The following UGT1A9 variants were observed in gnomAD, a reference collection of about 807,000 sequenced individuals.
The protein encoded by UGT1A9 is UDP glucuronosyltransferase family 1 member A9, also known as UDP-glucuronosyltransferase 1A9.
Under a neutral mutation model 45.0 loss-of-function variants are expected in UGT1A9, and 35 were observed. The ratio of observed to expected loss-of-function variants is 0.78; its 90% CI spans 0.59 to 1.03. UGT1A9 has a LOEUF of 1.03. Among genes scored for constraint, UGT1A9 ranks in the 50% least tolerant of loss-of-function variants. UGT1A9 has a pLI of 0.00. For synonymous variants in UGT1A9, 278 were observed against 250.6 expected (o/e 1.11, Z -1.03); for missense variants, 687 against 666.6 (o/e 1.03, Z -0.34).
intron 1 of UGT1A9, chr2:233,693,987 T>A: frequency 1.3e-6 from 2 of 1,542,284 alleles, no homozygotes; most frequent in Non-Finnish European, 1.7e-6. Flanking sequence ...TGGGGGGAAG[T>A]GATACCCGGC....
intron 1 of UGT1A9, chr2:233,755,184 T>C: frequency 8.4e-7 from 1 of 1,195,602 alleles, no homozygotes. Context: ...GGGGTGCCAC[T>C]TGAGCGCCAG....
At chr2:233,677,182 C>A (rs1451476805) in intron 1 of UGT1A9, among the ~76,000 whole-genome samples, 1 of 152,104 alleles carries the variant, frequency 6.6e-6, no homozygotes, top group Non-Finnish European at 1.5e-5. Context: ...ATTAACATAT[C>A]TTTTTATTTA....
intron 1 of UGT1A9, chr2:233,755,457 C>G: frequency 1.4e-5 from 4 of 284,208 alleles, no homozygotes; most frequent in Non-Finnish European, 2.8e-5. Context: ...TGGGACTGGC[C>G]CTGCTCTCTG....
chr2:233,724,954 C>G lies in UGT1A9; in HGVS notation c.856-42080C>G, dbSNP rs544768388. ...GACTCCGTCTGCAATCCCGGCACCT[C>G]GGGAGGCCGAGGTTGGCGGATCACT... On this transcript the variant is annotated intron_variant, in intron 1 of 4. Coordinates refer to ENST00000354728, the MANE Select transcript of UGT1A9 (RefSeq NM_021027.3). 1.4e-5 allele frequency among the ~76,000 whole-genome samples: 2 copies of G among 143,932 alleles called. 1 individual carries two copies. Among genetic ancestry groups the G allele is most frequent in the East Asian group, 4.2e-4 (2 of 4,760 alleles). 94.4% of individuals were successfully genotyped at this position (143,932 alleles called of 152,430 possible).
intron 1 of UGT1A9, among the ~76,000 whole-genome samples, chr2:233,719,879 C>A (rs573880021): frequency 1.3e-5 from 2 of 152,076 alleles, no homozygotes; most frequent in Non-Finnish European, 2.9e-5. Flanking sequence ...AGAAGAGGCA[C>A]GGATGAGGGT....
intron 1 of UGT1A9, among the ~76,000 whole-genome samples, chr2:233,686,098 G>C (rs1186571465): frequency 6.6e-6 from 1 of 152,126 alleles, no homozygotes; most frequent in African/African-American, 2.4e-5. Flanking sequence ...CCAAGTCCAA[G>C]AGAATGAAGT....
intron 1 of UGT1A9, among the ~76,000 whole-genome samples, chr2:233,730,180 A>C (rs1264603007): frequency 3.9e-5 from 6 of 152,190 alleles, no homozygotes; most frequent in South Asian, 2.1e-4. Flanking sequence ...TCAGGTTTTA[A>C]ATGGTCACTG....
chr2:233,729,062 G>A (rs930563151), intron 1 of UGT1A9: 176 of 1,610,848 alleles, frequency 1.1e-4, no homozygotes, highest in Admixed American at 1.2e-4. Context: ...TAATTAAGAT[G>A]AAGAAAGCAA....
At chr2:233,686,517 C>T (rs949719611) in intron 1 of UGT1A9, among the ~76,000 whole-genome samples, 5 of 152,098 alleles carry the variant, frequency 3.3e-5, no homozygotes, top group Non-Finnish European at 7.4e-5. Context: ...GGAGCCTCCA[C>T]CTGCGTTAGA....
intron 1 of UGT1A9, among the ~76,000 whole-genome samples, chr2:233,699,464 C>G (rs1471527294): frequency 6.6e-6 from 1 of 152,156 alleles, no homozygotes; most frequent in Non-Finnish European, 1.5e-5. Flanking sequence ...CAAAGGAGGT[C>G]AGAAGTAAAT....
intron 1 of UGT1A9, chr2:233,756,309 C>A (rs1335647268): frequency 7.9e-5 from 12 of 152,226 alleles, no homozygotes; most frequent in Non-Finnish European, 1.6e-4. Context: ...ATAACCTACC[C>A]ATATCCTCCT....
At position 233,772,787 on chromosome 2, in the gene UGT1A9, A is replaced by T; in HGVS notation, c.*228A>T. The T allele has an allele frequency of 4.0e-6, 5 of 1,249,376 alleles. No individual in the cohort carries two copies. Among genetic ancestry groups the T allele is most frequent in the Non-Finnish European group, 4.2e-6 (4 of 942,894 alleles). The allele number at this position is 1,249,376 out of a possible 1,614,324, so 77.4% of individuals were successfully genotyped here. A position where few individuals can be genotyped will look rare whatever the true frequency, so the allele number is the denominator to read the frequency against. The stretch of plus-strand genomic sequence containing the variant: ...GCCCCCTCTGGTGTCTTTGATCAGG[A>T]TGACATGTGCCATTTTTCAGAGGAC... On this transcript the variant is annotated 3_prime_UTR_variant, in exon 5 of 5. Coordinates refer to ENST00000354728, the MANE Select transcript of UGT1A9 (RefSeq NM_021027.3).
chr2:233,718,145 A>G (rs1314627858), intron 1 of UGT1A9: 1 of 232,528 alleles, frequency 4.3e-6, no homozygotes, highest in Non-Finnish European at 8.9e-6. Flanking sequence ...AATCCTCAAT[A>G]AAGCCTTCCC....
intron 1 of UGT1A9, among the ~76,000 whole-genome samples, chr2:233,714,844 A>G (rs563954106): frequency 6.6e-6 from 1 of 152,320 alleles, no homozygotes; most frequent in East Asian, 1.9e-4. Flanking sequence ...ATGTTTATAA[A>G]TATTCCATGG....
intron 1 of UGT1A9, among the ~76,000 whole-genome samples, chr2:233,726,762 C>T (rs2077560104): frequency 6.6e-6 from 1 of 152,196 alleles, no homozygotes; most frequent in Non-Finnish European, 1.5e-5. Flanking sequence ...CTACCACAGA[C>T]ACTAAGCTTA....
chr2:233,725,068 TCGCAGGCAC>T (rs1237971327), intron 1 of UGT1A9, among the ~76,000 whole-genome samples: 1 of 146,188 alleles, frequency 6.8e-6, no homozygotes, highest in South Asian at 2.4e-4. Context: ...GCGCCTGCAA[TCGCAGGCAC>T]TCGGCAGGCT....
chr2:233,759,541 C>A (rs1020987350), intron 1 of UGT1A9, among the ~76,000 whole-genome samples: 1 of 152,092 alleles, frequency 6.6e-6, no homozygotes, highest in Non-Finnish European at 1.5e-5. Flanking sequence ...TGTTCACATG[C>A]GCTCCAGTGA....
chr2:233,733,823 A>G (rs1027211154), intron 1 of UGT1A9, among the ~76,000 whole-genome samples: 1 of 152,166 alleles, frequency 6.6e-6, no homozygotes. Context: ...GCCTCATAAA[A>G]TGAGTTAGGG....
intron 1 of UGT1A9, among the ~76,000 whole-genome samples, chr2:233,741,230 C>T (rs1691594926): frequency 6.6e-6 from 1 of 151,876 alleles, no homozygotes; most frequent in Non-Finnish European, 1.5e-5. Flanking sequence ...AGACCCACTA[C>T]CTCTGAGTGA....
Sources: allele counts gnomAD v4.1 joint callset (sites outside exome capture counted in the v4.1 genomes callset), GRCh38; gene constraint gnomAD v4.1.1; transcripts MANE v1.5; gene names NCBI Gene and HGNC (gene_info 2026-07-23, HGNC 2026-07-21).